TRRAP: variants seen among roughly 807,000 people sequenced by gnomAD.
TRRAP encodes the protein transformation/transcription domain associated protein.
In TRRAP, 41 loss-of-function variants were observed where a neutral mutation model predicts 438.8. The observed-to-expected ratio is 0.09, with a 90% CI of 0.07 to 0.12. The LOEUF is 0.12. Among genes scored for constraint, TRRAP ranks in the 10% least tolerant of loss-of-function variants. TRRAP has a pLI of 1.00. For synonymous variants in TRRAP, 1,994 were observed against 1,962.9 expected (o/e 1.02, Z -0.42); for missense variants, 3,122 against 5,055.1 (o/e 0.62, Z 11.60).
At chr7:98,982,738 C>T (rs1382965786) in intron 59 of TRRAP, among the ~76,000 whole-genome samples, 1 of 138,534 alleles carries the variant, frequency 7.2e-6, no homozygotes, top group Non-Finnish European at 1.5e-5. Flanking sequence ...GTCTACCTCC[C>T]AGGCTCATAG....
Position 98,976,890 on chromosome 7 carries a change from A to C in TRRAP, c.8248-49A>C. On this transcript the variant is annotated intron_variant, in intron 55 of 72. Coordinates refer to ENST00000456197, the MANE Select transcript of TRRAP (RefSeq NM_001375524.1). This position sits in a 1 kb window ranked among gnomAD's most constrained non-coding sequence, Gnocchi z 4.6. ...ACAGTGAAACTATTTTTAGGGGGGA[A>C]AAAAAGTCTCTGTCTCAAGCACTCA... 1.3e-6 allele frequency: 2 copies of C among 1,599,320 alleles called. No homozygotes were observed. The highest frequency in any genetic ancestry group is 1.7e-6 in the Non-Finnish European group (2 of 1,170,960).
chr7:98,981,835 T>G lies in TRRAP; in HGVS notation c.8701T>G (p.Cys2901Gly). The change falls in exon 59 of 73, where the codon TGC becomes GGC. Residue 2901 changes from cysteine (C) to glycine (G), a missense_variant. Physicochemically the swap from Cys to Gly is radical, Grantham distance 159. Coordinates refer to ENST00000456197, the MANE Select transcript of TRRAP (RefSeq NM_001375524.1). ...CATGTACCGCGGATACCTGGCCATCTGCCACCCCGAGGAGCAGCAGCTCAG... is the reference window on the plus strand; with the variant it reads ...CATGTACCGCGGATACCTGGCCATCGGCCACCCCGAGGAGCAGCAGCTCAG... Reference protein sequence around the residue: ...VNMYRGYLAICHPEEQQLSFI... With the variant: ...VNMYRGYLAIGHPEEQQLSFI... 1 of 1,605,664 alleles carries G rather than the reference T, an allele frequency of 6.2e-7. No individual in the cohort carries two copies. The highest frequency in any genetic ancestry group is 8.5e-7 in the Non-Finnish European group (1 of 1,176,784).
chr7:98,981,641 A>G (rs940018123), intron 58 of TRRAP, 128 bp from the exon 59 acceptor site: 6 of 879,780 alleles, frequency 6.8e-6, no homozygotes, highest in South Asian at 1.8e-5. Flanking sequence ...ATACATTTCT[A>G]TAGCCTAATT....
chr7:98,911,898 TAATTA>T (rs1453860137), intron 17 of TRRAP, 119 bp from the exon 18 acceptor site: 8 of 825,824 alleles, frequency 9.7e-6, no homozygotes, highest in African/African-American at 1.7e-5. Context: ...CTTTGGTGGA[TAATTA>T]AATTTCTTGG....
At position 98,979,142 on chromosome 7, in the gene TRRAP, G is replaced by A. The variant is rs528718583; in HGVS notation, c.8634+238G>A. Among the ~76,000 whole-genome samples the A allele has an allele frequency of 1.4e-3, 217 of 152,304 alleles. 1 individual carries two copies. The highest frequency in any genetic ancestry group is 1.4e-3 in the Non-Finnish European group (97 of 68,026). On this transcript the variant is annotated intron_variant, in intron 58 of 72. Coordinates refer to ENST00000456197, the MANE Select transcript of TRRAP (RefSeq NM_001375524.1). ...AAACTATGAACTAGAAGATGGAATC[G>A]AGGCCAGGTGTTGACTTCTGGTTTG... is the stretch of plus-strand genomic sequence containing the variant.
rs765561194 is a variant in TRRAP at position 98,973,232 on chromosome 7, G to A, written c.7839+1287G>A. Among the ~76,000 whole-genome samples the A allele has an allele frequency of 1.4e-4, 22 of 151,964 alleles. 1 individual carries two copies. The highest frequency in any genetic ancestry group is 2.1e-4 in the Non-Finnish European group (14 of 68,010). ...TGACCTCAGGTGATCTGCCTGCCTC[G>A]GCCTCCCAAAGTGCTGGGATTACAG... On this transcript the variant is annotated intron_variant, in intron 53 of 72. Coordinates refer to ENST00000456197, the MANE Select transcript of TRRAP (RefSeq NM_001375524.1).
intron 51 of TRRAP, among the ~76,000 whole-genome samples, chr7:98,968,459 A>G (rs576382642): frequency 6.6e-6 from 1 of 152,244 alleles, no homozygotes; most frequent in Non-Finnish European, 1.5e-5. Flanking sequence ...AGCGAGGTCC[A>G]GACCTAGAGT....
At chr7:98,923,776 C>T (rs1554411035) in intron 21 of TRRAP, among the ~76,000 whole-genome samples, 3 of 152,190 alleles carry the variant, frequency 2.0e-5, no homozygotes, top group East Asian at 1.9e-4. Context: ...ATCACCCTCT[C>T]CTGGTTCCTC....
chr7:98,945,648 C>T, intron 31 of TRRAP, 99 bp from the exon 32 acceptor site: 1 of 1,387,820 alleles, frequency 7.2e-7, no homozygotes, highest in South Asian at 1.3e-5. Flanking sequence ...TCTTTACTGT[C>T]TTGTTAACCC....
intron 58 of TRRAP, among the ~76,000 whole-genome samples, chr7:98,979,843 T>C (rs1205344775): frequency 6.6e-6 from 1 of 152,238 alleles, no homozygotes. Flanking sequence ...ACTAAATTAA[T>C]TTCAAATAGT....
In TRRAP at chr7:98,935,576, C is replaced by T. The variant is rs1554414032; in HGVS notation, c.4015-3C>T. 2 of 1,595,104 alleles carry T rather than the reference C, an allele frequency of 1.3e-6. No homozygotes were observed. The highest frequency in any genetic ancestry group is 1.7e-6 in the Non-Finnish European group (2 of 1,164,690). ...CTAAATGAAATTGTTTTATCTTTTG[C>T]AGCTGTTGAATTTGTGTGAGGCTGA... On this transcript the variant is annotated splice_region_variant and splice_polypyrimidine_tract_variant and intron_variant, in intron 27 of 72. Coordinates refer to ENST00000456197, the MANE Select transcript of TRRAP (RefSeq NM_001375524.1).
rs1334092745 is a variant in TRRAP at position 98,976,157 on chromosome 7, G to A, written c.7848G>A (p.Ala2616=). ...LDTLREVKTG[A]LLSAFVQLCH... ...TGTCTTTCTGTTCATAGACTGGAGCGCTGCTCAGCGCTTTCGTTCAGCTGT... is the reference window on the plus strand; with the variant it reads ...TGTCTTTCTGTTCATAGACTGGAGCACTGCTCAGCGCTTTCGTTCAGCTGT... Residue 2616 remains alanine, a synonymous_variant, in exon 54 of 73, where the codon GCG becomes GCA. Transcript: ENST00000456197. The surrounding 1 kb of genome is among the most constrained non-coding windows in gnomAD (Gnocchi z 4.6). 10 of 1,613,888 alleles carry A rather than the reference G, an allele frequency of 6.2e-6. No individual in the cohort carries two copies. The highest frequency in any genetic ancestry group is 5.5e-5 in the South Asian group (5 of 91,068).
rs1004258288 is a variant in TRRAP, at chr7:98,962,201, A to G, written c.6704-101A>G. 2.4e-5 allele frequency: 38 copies of G among 1,568,896 alleles called. No homozygotes were observed. In the Admixed American group the frequency reaches 4.5e-4, roughly 18 times the overall value. On this transcript the variant is annotated intron_variant, in intron 46 of 72. Coordinates refer to ENST00000456197, the MANE Select transcript of TRRAP (RefSeq NM_001375524.1). ...TGCAGGGAGAGAAGTGCCCGTGCCAATCCCTCCTGATACCCAAGCAGCCAG... is the reference window on the plus strand; with the variant it reads ...TGCAGGGAGAGAAGTGCCCGTGCCAGTCCCTCCTGATACCCAAGCAGCCAG...
At chr7:98,909,062 T>TGCCACTGCACTTCA in intron 14 of TRRAP, 100 bp downstream of exon 14, 1 of 1,164,348 alleles carries the variant, frequency 8.6e-7, no homozygotes, top group Non-Finnish European at 1.2e-6. Context: ...CTTGTTCTGT[T>TGCCACTGCACTTCA]GCCTAGGCTG....
intron 20 of TRRAP, among the ~76,000 whole-genome samples, chr7:98,921,194 A>G (rs1286411187): frequency 1.2e-4 from 18 of 152,202 alleles, no homozygotes; most frequent in African/African-American, 4.3e-4. Context: ...ATATGCTGCT[A>G]TTTATATTCC....
Position 98,958,138 on chromosome 7 carries a change from CT to C in TRRAP, c.6342+48del, listed in dbSNP as rs782293884. ...CGTTAGGGCTTCTGCAGACCAGAGG[CT>C]ACTGACTAACACCCCAGGAGGTTAT... On this transcript the variant is annotated intron_variant, in intron 44 of 72. Coordinates refer to ENST00000456197, the MANE Select transcript of TRRAP (RefSeq NM_001375524.1). 4.6e-6 allele frequency: 7 copies of C among 1,529,592 alleles called. 1 individual carries two copies. The East Asian group carries it at 1.6e-4, about 35-fold the overall frequency. 94.8% of individuals were successfully genotyped at this position (1,529,592 alleles called of 1,614,324 possible).
intron 47 of TRRAP, 146 bp downstream of exon 47, chr7:98,962,573 C>G: frequency 6.9e-7 from 1 of 1,447,572 alleles, no homozygotes; most frequent in Non-Finnish European, 9.4e-7. Flanking sequence ...TTGCCTGGGG[C>G]CCTCAAGGCC....
chr7:99,006,616 C>T (rs1794174099), intron 69 of TRRAP, among the ~76,000 whole-genome samples: 2 of 152,328 alleles, frequency 1.3e-5, no homozygotes, highest in Admixed American at 6.5e-5. Flanking sequence ...GAATCAGCCA[C>T]TTGGTTCACA....
chr7:98,919,807 C>G (rs868960890), intron 20 of TRRAP, among the ~76,000 whole-genome samples: 2 of 152,114 alleles, frequency 1.3e-5, no homozygotes, highest in Non-Finnish European at 2.9e-5. Context: ...AGGCAGATAG[C>G]CCAAAAGAGA....
Sources: gnomAD v4.1 joint callset for allele counts (sites outside exome capture counted in the v4.1 genomes callset) on GRCh38, gnomAD v4.1.1 for gene constraint, Gnocchi (gnomAD v3.1) non-coding constraint, MANE v1.5 for transcripts, NCBI Gene and HGNC (gene_info 2026-07-23, HGNC 2026-07-21) for gene names.